The following LIPI variants were observed in gnomAD, a reference collection of about 807,000 sequenced individuals.
LIPI encodes the protein lipase I.
In LIPI, 59 loss-of-function variants were observed where a neutral mutation model predicts 50.6. The observed-to-expected ratio is 1.16, with a 90% CI of 0.94 to 1.45. The LOEUF (loss-of-function observed/expected upper bound fraction) is 1.45, where lower values mean the gene tolerates loss of function less well. Among genes scored for constraint, LIPI ranks in the 40% most tolerant of loss-of-function variants. The pLI, the probability that LIPI is intolerant of heterozygous loss-of-function variation, is 0.00. For synonymous variants in LIPI, 203 were observed against 178.2 expected (o/e 1.14, Z -1.11); for missense variants, 586 against 536.3 (o/e 1.09, Z -0.92).
chr21:14,152,133 C>T (rs191284834), intron 8 of LIPI, among the ~76,000 whole-genome samples: 53 of 151,570 alleles, frequency 3.5e-4, no homozygotes, highest in Admixed American at 2.4e-3. Context: ...TGGAGTCTTG[C>T]TCTGTCACCC....
chr21:14,160,836 G>A (rs1434298673), intron 7 of LIPI, among the ~76,000 whole-genome samples: 3 of 150,946 alleles, frequency 2.0e-5, no homozygotes, highest in Admixed American at 6.6e-5. Context: ...CAAAAGACAC[G>A]AATACACATT....
Position 14,161,801 on chromosome 21 carries a change from AT to A in LIPI, c.1006+1617del, listed in dbSNP as rs1405269677. 5.7e-5 allele frequency among the ~76,000 whole-genome samples: 2 copies of A among 35,044 alleles called. 1 individual carries two copies. Among genetic ancestry groups the A allele is most frequent in the Non-Finnish European group, 8.6e-5 (2 of 23,204 alleles). The allele number at this position is 35,044 out of a possible 152,430, so 23.0% of individuals were successfully genotyped here. A position where few individuals can be genotyped will look rare whatever the true frequency, so the allele number is the denominator to read the frequency against. ...ATATATAATATATACATTATTATAT[AT>A]TAATGTATAATATATACAAATATAT... On this transcript the variant is annotated intron_variant, in intron 7 of 9. Coordinates refer to ENST00000681601, the MANE Select transcript of LIPI (RefSeq NM_001302998.2).
At chr21:14,136,694 T>C (rs1304437198) in intron 9 of LIPI, among the ~76,000 whole-genome samples, 2 of 152,102 alleles carry the variant, frequency 1.3e-5, no homozygotes, top group African/African-American at 2.4e-5. Flanking sequence ...CACCTGCTGA[T>C]TGTAGAACAC....
chr21:14,162,926 T>G (rs2018544744), intron 7 of LIPI, among the ~76,000 whole-genome samples: 2 of 151,778 alleles, frequency 1.3e-5, no homozygotes, highest in Admixed American at 6.6e-5. Context: ...CTTTAATACT[T>G]CCTTATAAAT....
chr21:14,110,878 CTATA>C (rs1407528310), intron 9 of LIPI, among the ~76,000 whole-genome samples: 2 of 149,354 alleles, frequency 1.3e-5, no homozygotes, highest in East Asian at 1.9e-4. Flanking sequence ...CTATCTCTCT[CTATA>C]TATAGGTGAT....
In LIPI at chr21:14,171,574, T is replaced by C. The variant is rs891807937; in HGVS notation, c.644-5123A>G. ...AGAAACAATGCCGCATATCTACAAC[T>C]ATCTGATCTTTGACAAACCTGAGAA... On this transcript the variant is annotated intron_variant, in intron 4 of 9. Coordinates refer to ENST00000681601, the MANE Select transcript of LIPI (RefSeq NM_001302998.2). Among the ~76,000 whole-genome samples, 604 of 150,450 alleles carry C rather than the reference T, an allele frequency of 4.0e-3. 6 individuals are homozygous for C. The highest frequency in any genetic ancestry group is 0.021 in the Middle Eastern group (6 of 292).
intron 9 of LIPI, among the ~76,000 whole-genome samples, chr21:14,118,717 G>A (rs143584807): frequency 6.6e-6 from 1 of 152,288 alleles, no homozygotes; most frequent in South Asian, 2.1e-4. Flanking sequence ...CAGGAGTCTG[G>A]GCAGAGGACA....
At position 14,202,365 on chromosome 21, in the gene LIPI, A is replaced by C. The variant is rs138473980; in HGVS notation, c.46+8435T>G. Among the ~76,000 whole-genome samples the C allele has an allele frequency of 7.6e-4, 115 of 151,930 alleles. 2 individuals are homozygous for C. In the East Asian group the frequency reaches 0.021, roughly 27 times the overall value. On this transcript the variant is annotated intron_variant, in intron 1 of 9. Transcript: ENST00000681601. ...TTCATATGGAACCAATAAAGAGCCCACATTGCCAAGTCAATCCTAAGCCAA... is the reference window on the plus strand; with the variant it reads ...TTCATATGGAACCAATAAAGAGCCCCCATTGCCAAGTCAATCCTAAGCCAA...
chr21:14,158,774 G>C (rs2018361952), intron 7 of LIPI, among the ~76,000 whole-genome samples: 1 of 149,616 alleles, frequency 6.7e-6, no homozygotes, highest in Non-Finnish European at 1.5e-5. Context: ...AAAATAAAAA[G>C]AATCAAGACA....
At position 14,136,011 on chromosome 21, in the gene LIPI, C is replaced by G. The variant is rs189650048; in HGVS notation, c.1295+8612G>C. The stretch of plus-strand genomic sequence containing the variant: ...AGGCAACAGTCAGAGTCCTAAGGCC[C>G]CGTCTCCCCTGTTCCAGGCTCTAGC... On this transcript the variant is annotated intron_variant, in intron 9 of 9. Transcript: ENST00000681601. Among the ~76,000 whole-genome samples, 140 of 152,248 alleles carry G rather than the reference C, an allele frequency of 9.2e-4. 1 individual carries two copies. The highest frequency in any genetic ancestry group is 2.6e-3 in the Admixed American group (39 of 15,292).
intron 7 of LIPI, 128 bp from the exon 8 acceptor site, chr21:14,152,812 A>G (rs1255563288): frequency 1.8e-6 from 1 of 562,302 alleles, no homozygotes; most frequent in Non-Finnish European, 3.2e-6. Context: ...ACATATGCAA[A>G]TAATATTATT....
intron 4 of LIPI, among the ~76,000 whole-genome samples, chr21:14,178,785 C>A: frequency 6.6e-6 from 1 of 152,038 alleles, no homozygotes; most frequent in East Asian, 1.9e-4. Context: ...GCCTGGCTAT[C>A]TTGGATGCTA....
rs980607002 is a variant in LIPI at position 14,161,353 on chromosome 21, A to G, written c.1006+2066T>C. Among the ~76,000 whole-genome samples, 11 of 144,608 alleles carry G rather than the reference A, an allele frequency of 7.6e-5. No homozygotes were observed. In the South Asian group the frequency reaches 1.3e-3, roughly 17 times the overall value. The allele number at this position is 144,608 out of a possible 152,430, so 94.9% of individuals were successfully genotyped here. On this transcript the variant is annotated intron_variant, in intron 7 of 9. Coordinates refer to ENST00000681601, the MANE Select transcript of LIPI (RefSeq NM_001302998.2). Reference sequence around the variant, plus strand: ...TAATATATAGTTATATATAATATATAGTAATATAGGTAATATCTATTATAT... The same window carrying G: ...TAATATATAGTTATATATAATATATGGTAATATAGGTAATATCTATTATAT...
At chr21:14,184,904 T>C (rs2019400263) in intron 3 of LIPI, among the ~76,000 whole-genome samples, 1 of 152,210 alleles carries the variant, frequency 6.6e-6, no homozygotes, top group Admixed American at 6.5e-5. Flanking sequence ...TAAGTAAGGG[T>C]ATGCATAAGG....
intron 9 of LIPI, among the ~76,000 whole-genome samples, chr21:14,110,757 T>C (rs2016373465): frequency 6.6e-6 from 1 of 151,792 alleles, no homozygotes; most frequent in Non-Finnish European, 1.5e-5. Context: ...TGGCTTATTA[T>C]ACTTAACATA....
intron 1 of LIPI, among the ~76,000 whole-genome samples, chr21:14,194,701 G>C (rs1416295752): frequency 1.3e-5 from 2 of 152,142 alleles, no homozygotes; most frequent in Admixed American, 1.3e-4. Flanking sequence ...TACAGAATTT[G>C]AGTTTTGAAA....
chr21:14,184,550 A>G (rs571177566), intron 3 of LIPI, among the ~76,000 whole-genome samples: 1 of 152,174 alleles, frequency 6.6e-6, no homozygotes, highest in Admixed American at 6.5e-5. Context: ...AATGTTTTTC[A>G]TTTCAAAAAC....
rs894682142 is a variant in LIPI at position 14,187,450 on chromosome 21, C to T, written c.433-1381G>A. Among the ~76,000 whole-genome samples, 5 of 152,240 alleles carry T rather than the reference C, an allele frequency of 3.3e-5. No homozygotes were observed. The East Asian group carries it at 7.7e-4, about 24-fold the overall frequency. ...CCCCAAAACATAAGGGAGTATCTCT[C>T]GAGACTCCAGTGCTGCCGGTCATTT... On this transcript the variant is annotated intron_variant, in intron 2 of 9. Transcript: ENST00000681601.
intron 8 of LIPI, among the ~76,000 whole-genome samples, chr21:14,147,002 C>T (rs767011463): frequency 6.6e-6 from 1 of 152,068 alleles, no homozygotes; most frequent in Non-Finnish European, 1.5e-5. Flanking sequence ...TGGCCTCGAA[C>T]TCCTGACCTT....
Sources: allele counts gnomAD v4.1 joint callset (sites outside exome capture counted in the v4.1 genomes callset), GRCh38; gene constraint gnomAD v4.1.1; transcripts MANE v1.5; gene names NCBI Gene and HGNC (gene_info 2026-07-23, HGNC 2026-07-21).